The following TOM1L1 variants were observed in gnomAD, a reference collection of about 807,000 sequenced individuals.
The protein encoded by TOM1L1 is target of myb1 like 1 membrane trafficking protein.
In TOM1L1, 64 loss-of-function variants were observed where a neutral mutation model predicts 63.4. The observed-to-expected ratio is 1.01, with a 90% CI of 0.83 to 1.24. The LOEUF is 1.24. Among genes scored for constraint, TOM1L1 ranks in the 50% most tolerant of loss-of-function variants. The probability of loss-of-function intolerance (pLI) is 0.00; values close to 1 mark genes in which losing one functional copy is unlikely to be tolerated. For missense variants in TOM1L1, 536 were observed against 567.0 expected (o/e 0.95, Z 0.55); for synonymous variants, 166 against 194.4 (o/e 0.85, Z 1.22).
chr17:54,930,297 C>A, intron 8 of TOM1L1, 91 bp downstream of exon 8: 2 of 1,538,854 alleles, frequency 1.3e-6, no homozygotes, highest in South Asian at 1.2e-5. Flanking sequence ...CTACAAGTGA[C>A]CCCTCTTTCT....
intron 7 of TOM1L1, among the ~76,000 whole-genome samples, chr17:54,920,791 G>T (rs1387700380): frequency 1.3e-5 from 2 of 152,204 alleles, no homozygotes; most frequent in East Asian, 1.9e-4. Flanking sequence ...GTTTCCAAAA[G>T]AATCTAGGAA....
chr17:54,932,389 T>G (rs895605834), intron 8 of TOM1L1, among the ~76,000 whole-genome samples: 1 of 152,122 alleles, frequency 6.6e-6, no homozygotes, highest in Non-Finnish European at 1.5e-5. Context: ...ACTGATTAGG[T>G]CAGGGGTCGA....
intron 7 of TOM1L1, among the ~76,000 whole-genome samples, chr17:54,922,379 G>A (rs939277903): frequency 1.3e-5 from 2 of 152,082 alleles, no homozygotes; most frequent in Non-Finnish European, 2.9e-5. Flanking sequence ...AGCTGAGGCA[G>A]GAGGATTGCT....
chr17:54,914,144 C>T (rs2048545236), intron 5 of TOM1L1, among the ~76,000 whole-genome samples: 1 of 152,136 alleles, frequency 6.6e-6, no homozygotes. Context: ...GTTTTCTCTG[C>T]ACATTAATGT....
At position 54,947,306 on chromosome 17, in the gene TOM1L1, T is replaced by C. The variant is rs1203671042; in HGVS notation, c.1176T>C (p.Tyr392=). The change falls in exon 12 of 16, where the codon TAT becomes TAC. Residue 392 remains tyrosine (Y), a synonymous_variant. Coordinates refer to ENST00000575882, the MANE Select transcript of TOM1L1 (RefSeq NM_005486.3). ...TSQNLTSSHA[Y]DNFLEHSNSV... Reference sequence around the variant, plus strand: ...AAAACCTCACCTCAAGCCACGCATATGATAATGTAAGTAACAAAACTCTTT... The same window carrying C: ...AAAACCTCACCTCAAGCCACGCATACGATAATGTAAGTAACAAAACTCTTT... The C allele has an allele frequency of 3.1e-6, 5 of 1,614,132 alleles. No individual in the cohort carries two copies. Among genetic ancestry groups the C allele is most frequent in the Non-Finnish European group, 1.7e-6 (2 of 1,179,998 alleles).
At chr17:54,952,532 G>A (rs1414834508) in intron 14 of TOM1L1, 1 of 127,096 alleles carries the variant, frequency 7.9e-6, no homozygotes, top group South Asian at 2.7e-4. Context: ...CTGGGCAACA[G>A]AGCGAGACTG....
intron 13 of TOM1L1, 61 bp downstream of exon 13, chr17:54,949,684 CAG>C: frequency 1.5e-6 from 2 of 1,323,190 alleles, no homozygotes; most frequent in Non-Finnish European, 2.2e-6. Flanking sequence ...ATGAGTCTGC[CAG>C]AGATTCATTG....
At chr17:54,944,465 T>A (rs984388833) in intron 11 of TOM1L1, among the ~76,000 whole-genome samples, 1 of 138,808 alleles carries the variant, frequency 7.2e-6, no homozygotes, top group African/African-American at 2.7e-5. Context: ...AAAAAAAAAA[T>A]TCAAGAAGAG....
chr17:54,914,617 T>A lies in TOM1L1; in HGVS notation c.499-22T>A, dbSNP rs987190897. On this transcript the variant is annotated intron_variant, in intron 5 of 15. Transcript: ENST00000575882. ...GGCTATGTTAATTCACATAATAATA[T>A]TACCATGTTTCATACTCATAGACTG... is the stretch of plus-strand genomic sequence containing the variant. 3 of 1,585,736 alleles carry A rather than the reference T, an allele frequency of 1.9e-6. No individual in the cohort carries two copies. In the African/African-American group the frequency reaches 4.0e-5, roughly 21 times the overall value.
At chr17:54,950,771 T>C (rs531176944) in intron 14 of TOM1L1, among the ~76,000 whole-genome samples, 4 of 152,216 alleles carry the variant, frequency 2.6e-5, no homozygotes, top group Admixed American at 2.6e-4. Context: ...TGCTTGCAGT[T>C]GTTTGTTTTT....
chr17:54,926,190 C>T (rs2048766525), intron 7 of TOM1L1, among the ~76,000 whole-genome samples: 1 of 152,194 alleles, frequency 6.6e-6, no homozygotes, highest in African/African-American at 2.4e-5. Context: ...TTCCCCACCA[C>T]TGTGTTGCTT....
At chr17:54,926,101 C>G (rs532100638) in intron 7 of TOM1L1, among the ~76,000 whole-genome samples, 1 of 152,202 alleles carries the variant, frequency 6.6e-6, no homozygotes, top group African/African-American at 2.4e-5. Flanking sequence ...CAATTAGATC[C>G]TGAAGCCCTA....
chr17:54,927,809 G>A (rs904703341), intron 7 of TOM1L1, among the ~76,000 whole-genome samples: 8 of 152,280 alleles, frequency 5.3e-5, no homozygotes, highest in Non-Finnish European at 1.0e-4. Flanking sequence ...GCAAAGATGA[G>A]AGTGGGCTGG....
At chr17:54,904,122 C>G (rs1268989640) in intron 2 of TOM1L1, among the ~76,000 whole-genome samples, 1 of 152,096 alleles carries the variant, frequency 6.6e-6, no homozygotes, top group African/African-American at 2.4e-5. Context: ...AATCCCAGCA[C>G]TTTGGGAGGC....
In TOM1L1 at chr17:54,954,708, T is replaced by C. The variant is rs1453822565; in HGVS notation, c.1370+4582T>C. 3.9e-5 allele frequency: 6 copies of C among 152,208 alleles called. No individual in the cohort carries two copies. The East Asian group carries it at 9.6e-4, about 24-fold the overall frequency. The allele number at this position is 152,208 out of a possible 1,614,324, so 9.4% of individuals were successfully genotyped here. Reference sequence around the variant, plus strand: ...CTCTTCTTACTTGTTCCCTTCCCTATAGGCCCCCACATGACTGATGCTTCC... The same window carrying C: ...CTCTTCTTACTTGTTCCCTTCCCTACAGGCCCCCACATGACTGATGCTTCC... On this transcript the variant is annotated intron_variant, in intron 14 of 15. Coordinates refer to ENST00000575882, the MANE Select transcript of TOM1L1 (RefSeq NM_005486.3).
At chr17:54,946,632 T>C (rs1246120932) in intron 11 of TOM1L1, among the ~76,000 whole-genome samples, 1 of 152,198 alleles carries the variant, frequency 6.6e-6, no homozygotes, top group African/African-American at 2.4e-5. Context: ...GTGTTAGGAT[T>C]GTTTCCCTTT....
chr17:54,915,934 A>T (rs878974453), intron 7 of TOM1L1, 72 bp downstream of exon 7: 11 of 1,130,260 alleles, frequency 9.7e-6, no homozygotes, highest in Non-Finnish European at 8.0e-6. Context: ...GAGTTTGGAG[A>T]TGGAAGACAC....
chr17:54,931,629 C>G (rs576010004), intron 8 of TOM1L1, among the ~76,000 whole-genome samples: 1 of 152,148 alleles, frequency 6.6e-6, no homozygotes, highest in South Asian at 2.1e-4. Flanking sequence ...GGTGAAACCC[C>G]ATCTCTATCA....
rs531437607 is a variant in TOM1L1, at chr17:54,912,567, G to A, written c.223-99G>A. 2.0e-5 allele frequency: 20 copies of A among 979,886 alleles called. No homozygotes were observed. In the East Asian group the frequency reaches 4.9e-4, roughly 24 times the overall value. The allele number at this position is 979,886 out of a possible 1,614,324, so 60.7% of individuals were successfully genotyped here. A position where few individuals can be genotyped will look rare whatever the true frequency, so the allele number is the denominator to read the frequency against. ...GATACTAAATTATGTTTGTTAATTA[G>A]GATGCTGATGGAACCCATTATTTAG... On this transcript the variant is annotated intron_variant, in intron 3 of 15. Transcript: ENST00000575882.
Sources: gnomAD v4.1 joint callset for allele counts (sites outside exome capture counted in the v4.1 genomes callset) on GRCh38, gnomAD v4.1.1 for gene constraint, MANE v1.5 for transcripts, NCBI Gene and HGNC (gene_info 2026-07-23, HGNC 2026-07-21) for gene names.